TMTC1: variants seen among roughly 807,000 people sequenced by gnomAD.
TMTC1 encodes transmembrane O-mannosyltransferase targeting cadherins 1.
In TMTC1, 73 loss-of-function variants were observed where a neutral mutation model predicts 104.8. The ratio of observed to expected loss-of-function variants is 0.70; its 90% CI spans 0.58 to 0.85. TMTC1 has a LOEUF of 0.85. TMTC1 is among the 40% of genes least tolerant of loss of function. The pLI is 0.00. For missense variants in TMTC1, 1,035 were observed against 1,096.1 expected (o/e 0.94, Z 0.79); for synonymous variants, 434 against 428.7 (o/e 1.01, Z -0.15).
intron 5 of TMTC1, among the ~76,000 whole-genome samples, chr12:29,713,340 CAG>C (rs1491560475): frequency 0.014 from 1,763 of 125,412 alleles, 47 homozygotes; most frequent in African/African-American, 0.049. Context: ...CACACACACA[CAG>C]GGAGAGAGAG....
At chr12:29,738,556 C>T (rs1942742721) in intron 5 of TMTC1, among the ~76,000 whole-genome samples, 1 of 152,194 alleles carries the variant, frequency 6.6e-6, no homozygotes, top group Admixed American at 6.5e-5. Flanking sequence ...AAGATATTTA[C>T]TTCACATCTG....
chr12:29,674,618 G>T (rs1034590885), intron 5 of TMTC1, among the ~76,000 whole-genome samples: 2 of 152,202 alleles, frequency 1.3e-5, no homozygotes, highest in Admixed American at 6.5e-5. Context: ...CAGCTGTAAA[G>T]GTTGTCCATG....
At chr12:29,565,672 C>T (rs1374457432) in intron 9 of TMTC1, among the ~76,000 whole-genome samples, 1 of 152,094 alleles carries the variant, frequency 6.6e-6, no homozygotes, top group Non-Finnish European at 1.5e-5. Context: ...CATGGTGAAA[C>T]CCCGCCTCTA....
chr12:29,653,513 G>A (rs1234558251), intron 5 of TMTC1, among the ~76,000 whole-genome samples: 3 of 152,136 alleles, frequency 2.0e-5, no homozygotes, highest in African/African-American at 7.2e-5. Flanking sequence ...AGAAAGTTGT[G>A]TGATAAAGAT....
intron 5 of TMTC1, 141 bp downstream of exon 5, chr12:29,751,525 G>C: frequency 8.4e-6 from 7 of 832,164 alleles, no homozygotes; most frequent in Non-Finnish European, 1.4e-5. Flanking sequence ...GGGACAGGAA[G>C]AAGGGGGTAA....
chr12:29,748,332 G>C (rs1943007195), intron 5 of TMTC1, among the ~76,000 whole-genome samples: 2 of 152,212 alleles, frequency 1.3e-5, no homozygotes, highest in African/African-American at 4.8e-5. Context: ...GTCAAGAGGT[G>C]TCTCATTTGT....
intron 5 of TMTC1, among the ~76,000 whole-genome samples, chr12:29,659,539 G>A (rs1939918160): frequency 2.0e-5 from 3 of 152,146 alleles, no homozygotes; most frequent in South Asian, 4.1e-4. Flanking sequence ...CTCACCAGAT[G>A]TCTAATCTTA....
At chr12:29,649,593 A>G (rs1185590853) in intron 5 of TMTC1, among the ~76,000 whole-genome samples, 1 of 152,224 alleles carries the variant, frequency 6.6e-6, no homozygotes, top group Non-Finnish European at 1.5e-5. Flanking sequence ...TTGTATTTTT[A>G]TTTTGTCATA....
intron 5 of TMTC1, among the ~76,000 whole-genome samples, chr12:29,639,747 A>G (rs1320213600): frequency 6.6e-6 from 1 of 152,242 alleles, no homozygotes; most frequent in Non-Finnish European, 1.5e-5. Context: ...TCTACAATAA[A>G]ATGCATACAT....
At chr12:29,609,806 G>A (rs1946796465) in intron 6 of TMTC1, 1 of 152,306 alleles carries the variant, frequency 6.6e-6, no homozygotes, top group African/African-American at 2.4e-5. Flanking sequence ...CACTCTCTCT[G>A]GGAAGCTACA....
At chr12:29,610,333 GGCTAT>G (rs1946813491) in intron 6 of TMTC1, among the ~76,000 whole-genome samples, 1 of 151,982 alleles carries the variant, frequency 6.6e-6, no homozygotes. Context: ...AGGCCACCGA[GGCTAT>G]AAGAAATTTA....
Position 29,545,510 on chromosome 12 carries a change from C to T in TMTC1, c.1677-9193G>A, listed in dbSNP as rs544427545. Among the ~76,000 whole-genome samples the T allele has an allele frequency of 1.4e-4, 21 of 152,150 alleles. No homozygotes were observed. The South Asian group carries it at 1.9e-3, about 14-fold the overall frequency. ...CAAAAATTAGCCAAGCATAGTGGCT[C>T]ATGCCTGTAGTCCCAGCTACTCAGG... is the stretch of plus-strand genomic sequence containing the variant. On this transcript the variant is annotated intron_variant, in intron 10 of 17. Coordinates refer to ENST00000539277, the MANE Select transcript of TMTC1 (RefSeq NM_001193451.2).
At chr12:29,746,781 A>G (rs1231231284) in intron 5 of TMTC1, among the ~76,000 whole-genome samples, 1 of 152,222 alleles carries the variant, frequency 6.6e-6, no homozygotes, top group Non-Finnish European at 1.5e-5. Context: ...TTTACAGGAA[A>G]AAACTTTTAA....
At chr12:29,659,433 C>T (rs1305129858) in intron 5 of TMTC1, among the ~76,000 whole-genome samples, 1 of 152,170 alleles carries the variant, frequency 6.6e-6, no homozygotes, top group Non-Finnish European at 1.5e-5. Flanking sequence ...GAACCTGGCA[C>T]CTCCGCTCTC....
chr12:29,553,164 G>A (rs1322447702), intron 10 of TMTC1, among the ~76,000 whole-genome samples: 5 of 152,310 alleles, frequency 3.3e-5, no homozygotes, highest in African/African-American at 7.2e-5. Context: ...ATTTGGGCAC[G>A]TGGGTAATGG....
chr12:29,550,062 T>C (rs1945053616), intron 10 of TMTC1, among the ~76,000 whole-genome samples: 1 of 152,084 alleles, frequency 6.6e-6, no homozygotes, highest in African/African-American at 2.4e-5. Flanking sequence ...CTCAATCCTA[T>C]GTAACAAATC....
Position 29,568,435 on chromosome 12 carries a change from A to T in TMTC1, c.1532+3670T>A, listed in dbSNP as rs1351455176. The stretch of plus-strand genomic sequence containing the variant: ...GGAGGAGAAAAATCAGAAAAATCTC[A>T]GTCTACTCAAATTACATTGCAAATC... On this transcript the variant is annotated intron_variant, in intron 9 of 17. Transcript: ENST00000539277. Among the ~76,000 whole-genome samples the T allele has an allele frequency of 2.0e-5, 3 of 152,222 alleles. 1 individual carries two copies. In the South Asian group the frequency reaches 6.2e-4, roughly 32 times the overall value.
At chr12:29,572,418 G>A (rs1189219627) in intron 8 of TMTC1, among the ~76,000 whole-genome samples, 200 bp from the exon 9 acceptor site, 1 of 152,164 alleles carries the variant, frequency 6.6e-6, no homozygotes, top group African/African-American at 2.4e-5. Context: ...AACAATGGAG[G>A]CAGTATAGTG....
intron 5 of TMTC1, among the ~76,000 whole-genome samples, chr12:29,728,179 T>C (rs1268321822): frequency 2.6e-5 from 4 of 152,168 alleles, no homozygotes; most frequent in African/African-American, 9.7e-5. Context: ...ACCCTAATCC[T>C]CTGTGACAGG....
Sources: allele counts gnomAD v4.1 joint callset (sites outside exome capture counted in the v4.1 genomes callset), GRCh38; gene constraint gnomAD v4.1.1; transcripts MANE v1.5; gene names NCBI Gene and HGNC (gene_info 2026-07-23, HGNC 2026-07-21).